The following NGEF variants were observed in gnomAD, a reference collection of about 807,000 sequenced individuals.
The protein encoded by NGEF is ephexin-1.
In NGEF, 31 loss-of-function variants were observed where a neutral mutation model predicts 80.9. That is an observed-to-expected ratio of 0.38 (90% CI 0.29 to 0.52). The LOEUF is 0.52. Among genes scored for constraint, NGEF ranks in the 20% least tolerant of loss-of-function variants. The pLI, the probability that NGEF is intolerant of heterozygous loss-of-function variation, is 0.84. For synonymous variants in NGEF, 371 were observed against 370.2 expected (o/e 1.00, Z -0.03); for missense variants, 709 against 926.2 (o/e 0.77, Z 3.04).
At chr2:232,891,961 AGCAGGGATG>A (rs758872255) in intron 7 of NGEF, among the ~76,000 whole-genome samples, 1 of 151,506 alleles carries the variant, frequency 6.6e-6, no homozygotes, top group Non-Finnish European at 1.5e-5. Context: ...CATGCATGTC[AGCAGGGATG>A]GCAGGGACGG....
chr2:232,954,588 G>A (rs1184696870), intron 3 of NGEF, among the ~76,000 whole-genome samples: 2 of 152,036 alleles, frequency 1.3e-5, no homozygotes, highest in Non-Finnish European at 2.9e-5. Flanking sequence ...AGCCAGGCGT[G>A]GTGGCAGGTG....
At chr2:233,007,517 G>A (rs1695110033) in intron 1 of NGEF, among the ~76,000 whole-genome samples, 1 of 152,184 alleles carries the variant, frequency 6.6e-6, no homozygotes, top group South Asian at 2.1e-4. Context: ...AAAGGGAGGA[G>A]GATGCACACC....
At chr2:232,949,024 A>C (rs558551300) in intron 3 of NGEF, among the ~76,000 whole-genome samples, 22 of 134,248 alleles carry the variant, frequency 1.6e-4, no homozygotes, top group East Asian at 7.9e-4. Flanking sequence ...TCTCAAAAAA[A>C]CCCCCCAAAA....
chr2:233,005,419 G>T (rs575186753), intron 1 of NGEF, among the ~76,000 whole-genome samples: 2 of 152,328 alleles, frequency 1.3e-5, no homozygotes, highest in South Asian at 2.1e-4. Context: ...AGCTGGGAAG[G>T]TGAGGCTTTC....
At chr2:232,992,988 A>AGT (rs1342242961) in intron 1 of NGEF, among the ~76,000 whole-genome samples, 6 of 90,938 alleles carry the variant, frequency 6.6e-5, no homozygotes, top group African/African-American at 2.4e-4. Context: ...CCCTGCCTGA[A>AGT]GTATATATAT....
intron 1 of NGEF, among the ~76,000 whole-genome samples, chr2:232,978,363 AT>A (rs554074380): frequency 2.4e-3 from 359 of 151,964 alleles, no homozygotes; most frequent in African/African-American, 8.4e-3. Flanking sequence ...AAGAAAAAAA[AT>A]ATTAGCTGGG....
rs570768609 is a variant in NGEF, at chr2:232,982,916, G to A, written c.-74-7952C>T. On this transcript the variant is annotated intron_variant, in intron 1 of 14. Transcript: ENST00000264051. Reference sequence around the variant, plus strand: ...ATGAAGTTTCTGGCTTGGCAGAAAAGTCCCTGCAAGGGAAGGAGCTGGGAC... The same window carrying A: ...ATGAAGTTTCTGGCTTGGCAGAAAAATCCCTGCAAGGGAAGGAGCTGGGAC... 1.4e-3 allele frequency among the ~76,000 whole-genome samples: 209 copies of A among 152,354 alleles called. 1 individual carries two copies. In the Middle Eastern group the frequency reaches 0.017, roughly 12 times the overall value.
At chr2:232,989,672 C>A (rs1694614110) in intron 1 of NGEF, among the ~76,000 whole-genome samples, 2 of 152,038 alleles carry the variant, frequency 1.3e-5, no homozygotes, top group Admixed American at 1.3e-4. Flanking sequence ...AAGTTAGAGG[C>A]CATGATGGGG....
At chr2:232,963,899 A>C (rs1694004804) in intron 3 of NGEF, among the ~76,000 whole-genome samples, 1 of 152,216 alleles carries the variant, frequency 6.6e-6, no homozygotes, top group African/African-American at 2.4e-5. Context: ...AGATATATAG[A>C]GAACTCCTAC....
At chr2:232,920,630 T>G (rs1376593553) in intron 4 of NGEF, 45 bp from the exon 5 acceptor site, 1 of 1,495,160 alleles carries the variant, frequency 6.7e-7, no homozygotes, top group Non-Finnish European at 8.9e-7. Context: ...AGATCTCAGA[T>G]GACAATCATT....
chr2:232,963,752 G>T (rs948340266), intron 3 of NGEF, among the ~76,000 whole-genome samples: 7 of 152,066 alleles, frequency 4.6e-5, no homozygotes, highest in Non-Finnish European at 8.8e-5. Flanking sequence ...AGGCAAGGTT[G>T]CAGTGAGCCA....
intron 13 of NGEF, among the ~76,000 whole-genome samples, chr2:232,881,489 G>A (rs1400128096): frequency 6.6e-6 from 1 of 152,190 alleles, no homozygotes; most frequent in Non-Finnish European, 1.5e-5. Flanking sequence ...ACTTCAGAAG[G>A]AACTTTTTGT....
At chr2:232,880,415 G>A (rs1467392047) in intron 14 of NGEF, among the ~76,000 whole-genome samples, 1 of 152,220 alleles carries the variant, frequency 6.6e-6, no homozygotes, top group Non-Finnish European at 1.5e-5. Flanking sequence ...TATTCCATGG[G>A]AAGAGGGCAG....
intron 1 of NGEF, among the ~76,000 whole-genome samples, chr2:232,987,686 T>C (rs1449576329): frequency 1.3e-5 from 2 of 152,028 alleles, no homozygotes; most frequent in Non-Finnish European, 1.5e-5. Flanking sequence ...ACGCTGCCCA[T>C]GGGAATGGAG....
At chr2:232,924,815 C>G (rs148123083) in intron 4 of NGEF, among the ~76,000 whole-genome samples, 31 of 152,312 alleles carry the variant, frequency 2.0e-4, no homozygotes, top group African/African-American at 6.5e-4. Flanking sequence ...ATACAAGTAA[C>G]CTTAGAGTCT....
At chr2:232,894,968 G>A in intron 5 of NGEF, 52 bp from the exon 6 acceptor site, 1 of 1,515,430 alleles carries the variant, frequency 6.6e-7, no homozygotes, top group Non-Finnish European at 9.0e-7. Flanking sequence ...TTCCACGAAG[G>A]CGCTAGCCTT....
intron 1 of NGEF, among the ~76,000 whole-genome samples, chr2:233,001,250 C>T (rs531788388): frequency 1.3e-5 from 2 of 152,238 alleles, no homozygotes; most frequent in African/African-American, 2.4e-5. Flanking sequence ...ACAGACCTCT[C>T]GCTCAGGCCC....
intron 3 of NGEF, among the ~76,000 whole-genome samples, chr2:232,958,609 G>A (rs999398895): frequency 3.3e-5 from 5 of 152,154 alleles, no homozygotes; most frequent in Non-Finnish European, 5.9e-5. Context: ...ATGGTCAATG[G>A]TAAGAGCTGA....
At chr2:232,946,995 C>T (rs1693573613) in intron 3 of NGEF, among the ~76,000 whole-genome samples, 1 of 152,140 alleles carries the variant, frequency 6.6e-6, no homozygotes, top group African/African-American at 2.4e-5. Flanking sequence ...AGTGCTAGAA[C>T]ATTCCCATTT....
Sources: gnomAD v4.1 joint callset for allele counts (sites outside exome capture counted in the v4.1 genomes callset) on GRCh38, gnomAD v4.1.1 for gene constraint, MANE v1.5 for transcripts, NCBI Gene and HGNC (gene_info 2026-07-23, HGNC 2026-07-21) for gene names.